ZCCHC10: variants seen among roughly 807,000 people sequenced by gnomAD.
ZCCHC10 encodes the protein zinc finger CCHC domain-containing protein 10.
Under a neutral mutation model 19.5 loss-of-function variants are expected in ZCCHC10, and 16 were observed. That is an observed-to-expected ratio of 0.82 (90% CI 0.56 to 1.25). ZCCHC10 has a LOEUF of 1.25. ZCCHC10 is among the 50% of genes most tolerant of loss of function. The pLI is 0.00. For missense variants in ZCCHC10, 197 were observed against 201.0 expected (o/e 0.98, Z 0.12); for synonymous variants, 67 against 72.5 (o/e 0.92, Z 0.38).
chr5:133,011,967 CA>C (rs980116574), intron 2 of ZCCHC10, among the ~76,000 whole-genome samples: 1 of 150,594 alleles, frequency 6.6e-6, no homozygotes, highest in African/African-American at 2.4e-5. Flanking sequence ...CCATCTCCAC[CA>C]AAAAAAATTT....
chr5:133,010,098 G>A (rs1452177318), intron 2 of ZCCHC10, among the ~76,000 whole-genome samples: 1 of 145,196 alleles, frequency 6.9e-6, no homozygotes, highest in African/African-American at 2.6e-5. Flanking sequence ...GCCCAGGCTA[G>A]AGTGTAGTGG....
chr5:133,020,466 A>G (rs1332779932), intron 2 of ZCCHC10, among the ~76,000 whole-genome samples: 1 of 151,970 alleles, frequency 6.6e-6, no homozygotes. Context: ...ATAAAAAAAT[A>G]AAATAAAATT....
rs756695714 is a variant in ZCCHC10 at position 133,026,524 on chromosome 5, A to G, written c.14T>C (p.Met5Thr). The change falls in exon 1 of 5, where the codon ATG (methionine) becomes ACG (threonine). Residue 5 changes from methionine (M) to threonine (T), a missense_variant. Met to Thr is a moderately conservative substitution (Grantham distance 81). Coordinates refer to ENST00000509437, the MANE Select transcript of ZCCHC10 (RefSeq NM_001300816.3). ...TTGTCTCCGGGCTATTAGCCGATGCATGGGAGTCGCCATCTTAGCGCGGTC... is the reference window on the plus strand; with the variant it reads ...TTGTCTCCGGGCTATTAGCCGATGCGTGGGAGTCGCCATCTTAGCGCGGTC... The part of the protein sequence containing the change: MATP[M>T]HRLIARRQAF... 2.5e-6 allele frequency: 4 copies of G among 1,613,568 alleles called. No homozygotes were observed. The highest frequency in any genetic ancestry group is 3.4e-6 in the Non-Finnish European group (4 of 1,179,936).
rs116104520 is a variant in ZCCHC10, at chr5:133,011,850, C to T, written c.108-4930G>A. ...AGCTCATTCTAAAATATGTACACAG[C>T]CAGGCTTGATGGCTCTCTCTTGTAA... On this transcript the variant is annotated intron_variant, in intron 2 of 4. Coordinates refer to ENST00000509437, the MANE Select transcript of ZCCHC10 (RefSeq NM_001300816.3). Among the ~76,000 whole-genome samples the T allele has an allele frequency of 8.8e-3, 1,338 of 152,084 alleles. 15 individuals carry two copies. The highest frequency in any genetic ancestry group is 0.031 in the African/African-American group (1,294 of 41,502).
intron 2 of ZCCHC10, among the ~76,000 whole-genome samples, chr5:133,012,496 C>T (rs1763622460): frequency 6.7e-6 from 1 of 148,896 alleles, no homozygotes; most frequent in Non-Finnish European, 1.5e-5. Flanking sequence ...TACAGAAATT[C>T]AAAAGGCCAG....
intron 3 of ZCCHC10, among the ~76,000 whole-genome samples, chr5:133,003,835 C>G (rs1167432624): frequency 6.6e-6 from 1 of 152,160 alleles, no homozygotes; most frequent in Non-Finnish European, 1.5e-5. Flanking sequence ...CTCAGCTTCC[C>G]AAGTAGCTGC....
chr5:133,019,516 C>T (rs981899222), intron 2 of ZCCHC10, among the ~76,000 whole-genome samples: 1 of 151,958 alleles, frequency 6.6e-6, no homozygotes, highest in South Asian at 2.1e-4. Context: ...GACACACTTG[C>T]CATATTGGCA....
chr5:133,026,432 A>T, intron 1 of ZCCHC10, 65 bp downstream of exon 1: 1 of 1,593,836 alleles, frequency 6.3e-7, no homozygotes, highest in African/African-American at 1.3e-5. Flanking sequence ...GTCCGACACC[A>T]GCCCGTTGAC....
intron 2 of ZCCHC10, among the ~76,000 whole-genome samples, chr5:133,022,516 A>T (rs1764385713): frequency 6.7e-6 from 1 of 150,318 alleles, no homozygotes; most frequent in Non-Finnish European, 1.5e-5. Flanking sequence ...TGCAGTGGCG[A>T]GATCTCGGCT....
chr5:133,022,852 G>C lies in ZCCHC10; in HGVS notation c.96C>G (p.Ser32=). Residue 32 remains serine (S), a synonymous_variant, in exon 2 of 5, where the codon TCC becomes TCG. Transcript: ENST00000509437. The stretch of plus-strand genomic sequence containing the variant: ...GCTGAGAGGGATACCTAATAACGAT[G>C]GATGGCTGAATCAGGATCCAAAAGG... ...VKTFWILIQP[S]IVISEANKQH... The C allele has an allele frequency of 1.6e-6, 1 of 612,120 alleles. No individual in the cohort carries two copies. 37.9% of individuals were successfully genotyped at this position (612,120 alleles called of 1,614,324 possible). A position where few individuals can be genotyped will look rare whatever the true frequency, so the allele number is the denominator to read the frequency against.
intron 3 of ZCCHC10, among the ~76,000 whole-genome samples, chr5:133,000,834 G>C (rs906040407): frequency 2.0e-5 from 3 of 151,062 alleles, no homozygotes; most frequent in African/African-American, 7.3e-5. Flanking sequence ...GTAGAGACAG[G>C]GTTTTATCAT....
At chr5:133,003,200 G>T in intron 3 of ZCCHC10, 1 of 372,944 alleles carries the variant, frequency 2.7e-6, no homozygotes, top group South Asian at 2.3e-5. Context: ...GGAGGTATTG[G>T]AGCAGCACTG....
At position 132,998,169 on chromosome 5, in the gene ZCCHC10, TA is replaced by T. The variant is rs1762537530; in HGVS notation, c.*413del. The T allele has an allele frequency of 6.1e-6, 1 of 163,032 alleles. No homozygotes were observed. The highest frequency in any genetic ancestry group is 2.4e-5 in the African/African-American group (1 of 41,508). 10.1% of individuals were successfully genotyped at this position (163,032 alleles called of 1,614,324 possible). A position where few individuals can be genotyped will look rare whatever the true frequency, so the allele number is the denominator to read the frequency against. The stretch of plus-strand genomic sequence containing the variant: ...TCCTAAGCTTACAGTAACAACATAT[TA>T]AATCTTACATAACATACAGCCAAAA... On this transcript the variant is annotated 3_prime_UTR_variant, in exon 5 of 5. Coordinates refer to ENST00000509437, the MANE Select transcript of ZCCHC10 (RefSeq NM_001300816.3).
At chr5:133,013,114 T>G (rs1256207689) in intron 2 of ZCCHC10, among the ~76,000 whole-genome samples, 1 of 147,394 alleles carries the variant, frequency 6.8e-6, no homozygotes, top group African/African-American at 2.5e-5. Flanking sequence ...AAAAATTAGC[T>G]GGGCATGGCA....
At chr5:133,007,553 A>C (rs907597377) in intron 2 of ZCCHC10, among the ~76,000 whole-genome samples, 5 of 151,922 alleles carry the variant, frequency 3.3e-5, no homozygotes, top group Non-Finnish European at 7.4e-5. Context: ...ACAAAAAAAA[A>C]AAAAAACAAA....
At chr5:133,025,758 TGCCTTTCCAGTCCAACCAACCTAAAGTGG>T (rs1764660162) in intron 1 of ZCCHC10, among the ~76,000 whole-genome samples, 1 of 152,186 alleles carries the variant, frequency 6.6e-6, no homozygotes, top group African/African-American at 2.4e-5. Context: ...TCTTCAGAGA[TGCCTTTCCAGTCCAACCAACCTAAAGTGG>T]GCCTTTCCCT....
rs1410332734 is a variant in ZCCHC10 at position 132,997,883 on chromosome 5, A to C, written c.*700T>G. On this transcript the variant is annotated 3_prime_UTR_variant, in exon 5 of 5. Transcript: ENST00000509437. ...CACTGACTTTTAACAGAAGGCACCA[A>C]GATTAGACTCCTAAGAAGTTTCAAT... 1 of 152,170 alleles carries C rather than the reference A, an allele frequency of 6.6e-6. No homozygotes were observed. Among genetic ancestry groups the C allele is most frequent in the African/African-American group, 2.4e-5 (1 of 41,456 alleles). 9.4% of individuals were successfully genotyped at this position (152,170 alleles called of 1,614,324 possible).
intron 2 of ZCCHC10, among the ~76,000 whole-genome samples, chr5:133,020,833 GC>G (rs1424096659): frequency 6.6e-6 from 1 of 151,698 alleles, no homozygotes; most frequent in African/African-American, 2.4e-5. Flanking sequence ...CCATTCTCCT[GC>G]CTCAGCCTCC....
rs1764721451 is a variant in ZCCHC10, at chr5:133,026,442, C to T, written c.41+55G>A. On this transcript the variant is annotated intron_variant, in intron 1 of 4. Transcript: ENST00000509437. ...TAGGGGTCCGACACCAGCCCGTTGA[C>T]GCGCGTTTCCCCGCTCCCAGCCCTC... 6 of 1,603,334 alleles carry T rather than the reference C, an allele frequency of 3.7e-6. No individual in the cohort carries two copies. In the Admixed American group the frequency reaches 6.8e-5, roughly 18 times the overall value.
Sources: gnomAD v4.1 joint callset for allele counts (sites outside exome capture counted in the v4.1 genomes callset) on GRCh38, gnomAD v4.1.1 for gene constraint, MANE v1.5 for transcripts, NCBI Gene and HGNC (gene_info 2026-07-23, HGNC 2026-07-21) for gene names.